Variants in RGPD3 observed in about 807,000 individuals in gnomAD.
RGPD3 encodes ranBP2-like and GRIP domain-containing protein 3.
In RGPD3, 62 loss-of-function variants were observed where a neutral mutation model predicts 154.5. That is an observed-to-expected ratio of 0.40 (90% confidence interval 0.33 to 0.50). The LOEUF (loss-of-function observed/expected upper bound fraction) is 0.50, where lower values mean the gene tolerates loss of function less well. Among genes scored for constraint, RGPD3 ranks in the 20% least tolerant of loss-of-function variants. The probability of loss-of-function intolerance (pLI) is 0.59; values close to 1 mark genes in which losing one functional copy is unlikely to be tolerated. For missense variants in RGPD3, 919 were observed against 1,716.8 expected (o/e 0.54, Z 8.21); for synonymous variants, 308 against 607.0 (o/e 0.51, Z 7.24).
chr2:106,460,911 T>C (rs1678386519), intron 1 of RGPD3, among the ~76,000 whole-genome samples: 1 of 17,756 alleles, frequency 5.6e-5, no homozygotes, highest in African/African-American at 2.7e-4. Context: ...ATACAGAGTA[T>C]ACAGCTACTC....
At chr2:106,441,630 T>G (rs1359021045) in intron 7 of RGPD3, among the ~76,000 whole-genome samples, 2 of 149,922 alleles carry the variant, frequency 1.3e-5, no homozygotes, top group Non-Finnish European at 3.0e-5. Context: ...CAAGGTGGGC[T>G]GATCACTTGA....
At chr2:106,461,691 C>T (rs1177514317) in intron 1 of RGPD3, among the ~76,000 whole-genome samples, 2 of 151,186 alleles carry the variant, frequency 1.3e-5, no homozygotes, top group Non-Finnish European at 2.9e-5. Context: ...CATTTACAAT[C>T]GCATCTAAAT....
intron 1 of RGPD3, among the ~76,000 whole-genome samples, chr2:106,460,400 CCT>C (rs1678373392): frequency 6.6e-6 from 1 of 150,982 alleles, no homozygotes; most frequent in Non-Finnish European, 1.5e-5. Context: ...ATTCCCTGTG[CCT>C]CAATAGTACA....
chr2:106,445,237 C>T (rs1469257771), intron 7 of RGPD3, among the ~76,000 whole-genome samples: 7 of 145,482 alleles, frequency 4.8e-5, no homozygotes, highest in African/African-American at 1.3e-4. Flanking sequence ...TGCAGTGAGC[C>T]GAGGTCGTGC....
rs938874681 is a variant in RGPD3, at chr2:106,424,121, A to C, written c.3846T>G (p.Leu1282=). 24 of 1,577,442 alleles carry C rather than the reference A, an allele frequency of 1.5e-5. 1 individual carries two copies. Among genetic ancestry groups the C allele is most frequent in the Admixed American group, 1.2e-4 (7 of 58,036 alleles). ...CTGTTGTTGACTCATCAAAGTGGAA[A>C]AGATTTTTTCTCACAGGGCTACTTG... The part of the protein sequence containing the change: ...PLASSPVRKN[L]FHFDESTTGS... The change falls in exon 20 of 23, where the codon CTT becomes CTG. Residue 1282 remains leucine, a synonymous_variant. Transcript: ENST00000409886.
In RGPD3 at chr2:106,404,414, GA is replaced by G. The variant is rs1173878877; in HGVS notation, c.*804del. ...GAGTTTTGAGATAGTATACTTTAAA[GA>G]AAAAAAGAAGAGTTTATTTTAAAGC... On this transcript the variant is annotated 3_prime_UTR_variant, in exon 23 of 23. Coordinates refer to ENST00000409886, the MANE Select transcript of RGPD3 (RefSeq NM_001144013.2). 6.8e-6 allele frequency among the ~76,000 whole-genome samples: 1 copy of G among 146,456 alleles called. No individual in the cohort carries two copies. Among genetic ancestry groups the G allele is most frequent in the East Asian group, 2.0e-4 (1 of 5,072 alleles).
At chr2:106,437,496 A>T (rs1302231070) in intron 9 of RGPD3, among the ~76,000 whole-genome samples, 1 of 152,156 alleles carries the variant, frequency 6.6e-6, no homozygotes, top group Non-Finnish European at 1.5e-5. Context: ...TGGGTGACAG[A>T]GCGAGACTCT....
intron 20 of RGPD3, among the ~76,000 whole-genome samples, chr2:106,421,035 G>A (rs1408865032): frequency 6.6e-6 from 1 of 152,082 alleles, no homozygotes; most frequent in African/African-American, 2.4e-5. Flanking sequence ...TGTTAAATTT[G>A]TCCCTCTCCT....
intron 22 of RGPD3, among the ~76,000 whole-genome samples, chr2:106,409,047 C>A (rs972834755): frequency 1.9e-4 from 29 of 152,064 alleles, no homozygotes; most frequent in African/African-American, 6.7e-4. Flanking sequence ...TTTCACCATC[C>A]ACTAATAGGT....
At position 106,460,840 on chromosome 2, in the gene RGPD3, T is replaced by TA. The variant is rs1159855256; in HGVS notation, c.73-1509dup. Reference sequence around the variant, plus strand: ...TGGGCAACAGAATGATTCCATCTCATAAAAAAAAAAAAAAAAAAAAAAAAA... The same window carrying TA: ...TGGGCAACAGAATGATTCCATCTCATAAAAAAAAAAAAAAAAAAAAAAAAAA... On this transcript the variant is annotated intron_variant, in intron 1 of 22. Coordinates refer to ENST00000409886, the MANE Select transcript of RGPD3 (RefSeq NM_001144013.2). 3.0e-3 allele frequency among the ~76,000 whole-genome samples: 181 copies of TA among 60,468 alleles called. 5 individuals are homozygous for TA. The highest frequency in any genetic ancestry group is 9.6e-3 in the African/African-American group (121 of 12,596). 39.7% of individuals were successfully genotyped at this position (60,468 alleles called of 152,430 possible).
chr2:106,418,041 C>T (rs181735364), intron 20 of RGPD3, among the ~76,000 whole-genome samples: 5,464 of 111,384 alleles, frequency 0.049, 257 homozygotes, highest in African/African-American at 0.061. Context: ...AGGCAGAGAA[C>T]TGCTGGAAGC....
chr2:106,420,801 G>A (rs1314311852), intron 20 of RGPD3, among the ~76,000 whole-genome samples: 1 of 152,212 alleles, frequency 6.6e-6, no homozygotes, highest in Non-Finnish European at 1.5e-5. Flanking sequence ...TTGAGATGCG[G>A]TCTTCCTTTG....
At chr2:106,429,108 T>C (rs1677287757) in intron 18 of RGPD3, among the ~76,000 whole-genome samples, 1 of 152,092 alleles carries the variant, frequency 6.6e-6, no homozygotes, top group Non-Finnish European at 1.5e-5. Context: ...ATAGTAATTA[T>C]GTAAGGCAAG....
Position 106,410,168 on chromosome 2 carries a change from C to G in RGPD3, c.5266+2916G>C, listed in dbSNP as rs548359261. On this transcript the variant is annotated intron_variant, in intron 22 of 22. Transcript: ENST00000409886. The stretch of plus-strand genomic sequence containing the variant: ...TGGATTACAGGTGTGAGCCACCGTG[C>G]CAGGCCTTACATTCTCTCTCTTAAA... Among the ~76,000 whole-genome samples, 8 of 152,102 alleles carry G rather than the reference C, an allele frequency of 5.3e-5. No individual in the cohort carries two copies. In the East Asian group the frequency reaches 1.4e-3, roughly 26 times the overall value.
intron 7 of RGPD3, among the ~76,000 whole-genome samples, chr2:106,442,671 C>T: frequency 9.6e-6 from 1 of 104,614 alleles, no homozygotes; most frequent in Non-Finnish European, 1.9e-5. Flanking sequence ...AGCCAAACCA[C>T]CTAAAGATGC....
chr2:106,461,508 G>A (rs1251235915), intron 1 of RGPD3, among the ~76,000 whole-genome samples: 2 of 152,016 alleles, frequency 1.3e-5, no homozygotes, highest in Non-Finnish European at 2.9e-5. Context: ...ATGTTATTCA[G>A]AACTGTTTGC....
intron 20 of RGPD3, 83 bp from the exon 21 acceptor site, chr2:106,416,072 A>T (rs1404676439): frequency 7.0e-5 from 108 of 1,549,394 alleles, no homozygotes; most frequent in Non-Finnish European, 9.0e-5. Flanking sequence ...CTAAATATAA[A>T]TATCTTACTA....
intron 7 of RGPD3, among the ~76,000 whole-genome samples, chr2:106,446,438 C>A (rs535161033): frequency 7.1e-3 from 1,068 of 149,762 alleles, no homozygotes; most frequent in African/African-American, 0.024. Context: ...GGTGTGGTGG[C>A]GGGTGCCTGT....
At chr2:106,408,955 G>C (rs1676591351) in intron 22 of RGPD3, among the ~76,000 whole-genome samples, 2 of 151,464 alleles carry the variant, frequency 1.3e-5, no homozygotes, top group South Asian at 4.2e-4. Context: ...CAAACTGTTG[G>C]GCTTACAGGT....
Sources: gnomAD v4.1 joint callset for allele counts (sites outside exome capture counted in the v4.1 genomes callset) on GRCh38, gnomAD v4.1.1 for gene constraint, MANE v1.5 for transcripts, NCBI Gene and HGNC (gene_info 2026-07-23, HGNC 2026-07-21) for gene names.